Variants in DAB1 observed in about 807,000 individuals in gnomAD.
The protein encoded by DAB1 is disabled homolog 1.
DAB1 carries 15 observed loss-of-function variants against 64.6 expected under a neutral mutation model. The observed-to-expected ratio is 0.23, with a 90% CI of 0.16 to 0.36. DAB1 has a LOEUF of 0.36. Among genes scored for constraint, DAB1 ranks in the 10% least tolerant of loss-of-function variants. DAB1 has a pLI of 1.00. For synonymous variants in DAB1, 235 were observed against 251.9 expected (o/e 0.93, Z 0.64); for missense variants, 596 against 706.7 (o/e 0.84, Z 1.78).
At chr1:57,582,348 C>G (rs1297667976) in intron 7 of DAB1, among the ~76,000 whole-genome samples, 1 of 152,100 alleles carries the variant, frequency 6.6e-6, no homozygotes, top group Non-Finnish European at 1.5e-5. Flanking sequence ...ATCAAACAAC[C>G]AGGTCTTGTG....
intron 2 of DAB1, among the ~76,000 whole-genome samples, chr1:57,241,114 T>C (rs1292494602): frequency 6.6e-6 from 1 of 152,228 alleles, no homozygotes; most frequent in Admixed American, 6.5e-5. Flanking sequence ...TTATTAATCA[T>C]AGTATCTCCA....
chr1:57,159,277 A>G (rs1326664784), intron 2 of DAB1, among the ~76,000 whole-genome samples: 2 of 152,210 alleles, frequency 1.3e-5, no homozygotes, highest in African/African-American at 2.4e-5. Context: ...AATGATCATC[A>G]GCCACATTCT....
At chr1:58,025,038 A>G (rs1646869273) in intron 5 of DAB1, among the ~76,000 whole-genome samples, 1 of 151,556 alleles carries the variant, frequency 6.6e-6, no homozygotes, top group African/African-American at 2.4e-5. Context: ...CTGGCCATTT[A>G]TCTATCTATT....
At chr1:58,365,509 T>C (rs1644208516) in intron 3 of DAB1, among the ~76,000 whole-genome samples, 1 of 152,220 alleles carries the variant, frequency 6.6e-6, no homozygotes, top group South Asian at 2.1e-4. Flanking sequence ...GATCTGGCCA[T>C]TTCTGCCAAA....
At chr1:58,098,567 T>C (rs1316300461) in intron 5 of DAB1, among the ~76,000 whole-genome samples, 3 of 152,166 alleles carry the variant, frequency 2.0e-5, no homozygotes, top group African/African-American at 7.2e-5. Context: ...TAAATTGTGT[T>C]CCCAAAATTC....
chr1:57,378,453 C>T (rs538018296), intron 1 of DAB1, among the ~76,000 whole-genome samples: 14 of 152,228 alleles, frequency 9.2e-5, no homozygotes, highest in African/African-American at 1.9e-4. Context: ...TTCTTAATTA[C>T]GAAAAGCTAT....
chr1:58,020,724 C>A (rs1570237282), intron 5 of DAB1, among the ~76,000 whole-genome samples: 1 of 152,170 alleles, frequency 6.6e-6, no homozygotes, highest in Admixed American at 6.5e-5. Flanking sequence ...AAAAGACCAG[C>A]CAGGCGCGGT....
At chr1:57,153,623 G>A (rs1012778516) in intron 2 of DAB1, among the ~76,000 whole-genome samples, 1 of 147,988 alleles carries the variant, frequency 6.8e-6, no homozygotes, top group South Asian at 2.1e-4. Context: ...TATGTATGGG[G>A]TTTTTTTTTT....
chr1:57,964,240 C>T (rs1003543258), intron 5 of DAB1, among the ~76,000 whole-genome samples: 5 of 152,206 alleles, frequency 3.3e-5, no homozygotes, highest in African/African-American at 1.2e-4. Flanking sequence ...CAAACCTTGC[C>T]TCATGCATTC....
At chr1:58,089,776 C>G (rs1234003046) in intron 5 of DAB1, among the ~76,000 whole-genome samples, 5 of 152,284 alleles carry the variant, frequency 3.3e-5, no homozygotes, top group Admixed American at 1.3e-4. Context: ...AAGGGGCACT[C>G]TACATAATGG....
intron 7 of DAB1, among the ~76,000 whole-genome samples, chr1:57,431,158 G>C (rs371793081): frequency 8.2e-5 from 10 of 121,640 alleles, no homozygotes; most frequent in South Asian, 2.5e-4. Flanking sequence ...AAAAAAAAAA[G>C]AAAAACAAAA....
At chr1:58,031,102 A>C (rs1646963398) in intron 5 of DAB1, among the ~76,000 whole-genome samples, 1 of 152,186 alleles carries the variant, frequency 6.6e-6, no homozygotes, top group Non-Finnish European at 1.5e-5. Context: ...ATGAGTGAAC[A>C]AAGTGGAGAG....
intron 5 of DAB1, among the ~76,000 whole-genome samples, chr1:58,126,684 C>T (rs1483446523): frequency 6.6e-6 from 1 of 150,770 alleles, no homozygotes; most frequent in Non-Finnish European, 1.5e-5. Context: ...GTTCAATTCC[C>T]ACCTAGGAGT....
At chr1:58,367,276 T>C (rs952405048) in intron 3 of DAB1, among the ~76,000 whole-genome samples, 1 of 152,214 alleles carries the variant, frequency 6.6e-6, no homozygotes, top group Non-Finnish European at 1.5e-5. Flanking sequence ...TTTTGCACAA[T>C]AGCACTACTT....
chr1:57,491,761 A>G (rs1257930263), intron 7 of DAB1, among the ~76,000 whole-genome samples: 3 of 152,196 alleles, frequency 2.0e-5, no homozygotes, highest in African/African-American at 7.2e-5. Context: ...AGCAGAGGAG[A>G]GGTTTCCCAC....
At chr1:57,127,513 T>G (rs1657229739) in intron 4 of DAB1, among the ~76,000 whole-genome samples, 2 of 152,204 alleles carry the variant, frequency 1.3e-5, no homozygotes, top group Non-Finnish European at 2.9e-5. Flanking sequence ...GAGTATATTA[T>G]TTATGTATGT....
chr1:57,756,534 T>C (rs949779898), intron 6 of DAB1, among the ~76,000 whole-genome samples: 9 of 152,040 alleles, frequency 5.9e-5, no homozygotes, highest in Non-Finnish European at 8.8e-5. Context: ...AGGGAAGTTA[T>C]TGGGGGGTTT....
rs1454228006 is a variant in DAB1 at position 57,081,678 on chromosome 1, C to T, written c.307-9264G>A. On this transcript the variant is annotated intron_variant, in intron 4 of 14. Transcript: ENST00000371236. ...ATATAATAGTCATCACTATTCCTAC[C>T]TTAGACAGGAGGAAACAGGCTCAAA... Among the ~76,000 whole-genome samples the T allele has an allele frequency of 4.6e-5, 7 of 152,028 alleles. No homozygotes were observed. The South Asian group carries it at 6.2e-4, about 14-fold the overall frequency.
intron 2 of DAB1, among the ~76,000 whole-genome samples, chr1:57,189,230 A>G (rs1407388365): frequency 6.6e-6 from 1 of 152,214 alleles, no homozygotes; most frequent in Non-Finnish European, 1.5e-5. Context: ...TCACCACAAG[A>G]TATAATAGCT....
Sources: allele counts gnomAD v4.1 joint callset (sites outside exome capture counted in the v4.1 genomes callset), GRCh38; gene constraint gnomAD v4.1.1; transcripts MANE v1.5; gene names NCBI Gene and HGNC (gene_info 2026-07-23, HGNC 2026-07-21).